Variants in ALPK3 observed in about 807,000 individuals in gnomAD.
The protein encoded by ALPK3 is alpha-protein kinase 3.
ALPK3 carries 102 observed loss-of-function variants against 140.0 expected under a neutral mutation model. That is an observed-to-expected ratio of 0.73 (90% CI 0.62 to 0.86). The LOEUF is 0.86. Among genes scored for constraint, ALPK3 ranks in the 40% least tolerant of loss-of-function variants. ALPK3 has a pLI of 0.00. For synonymous variants in ALPK3, 938 were observed against 898.5 expected (o/e 1.04, Z -0.79); for missense variants, 2,254 against 2,208.2 (o/e 1.02, Z -0.42).
chr15:84,828,972 T>C (rs1963517321), intron 3 of ALPK3, among the ~76,000 whole-genome samples: 1 of 152,208 alleles, frequency 6.6e-6, no homozygotes, highest in Non-Finnish European at 1.5e-5. Flanking sequence ...GCACATCTCA[T>C]TTTCTCTATT....
intron 7 of ALPK3, 67 bp from the exon 8 acceptor site, chr15:84,859,709 A>G (rs1360739999): frequency 6.6e-7 from 1 of 1,521,792 alleles, no homozygotes; most frequent in Non-Finnish European, 8.8e-7. Context: ...AGTGGGGTCC[A>G]AGGACGCTTA....
intron 3 of ALPK3, among the ~76,000 whole-genome samples, chr15:84,831,553 A>G (rs1157044040): frequency 6.6e-6 from 1 of 152,180 alleles, no homozygotes; most frequent in Non-Finnish European, 1.5e-5. Flanking sequence ...TCATGAATGT[A>G]GTATCTTTTC....
Position 84,864,622 on chromosome 15 carries a change from G to GT in ALPK3, c.4681dup (p.Tyr1561LeufsTer17). On this transcript the variant is annotated frameshift_variant, in exon 12 of 14. Coordinates refer to ENST00000258888, the MANE Select transcript of ALPK3 (RefSeq NM_020778.5). LOFTEE classifies it high-confidence loss of function. ...AATGCCAGACCTTCCAACACTGGCT[G>GT]TATCAGTGGACAAATGGCAGCTTCC... The GT allele has an allele frequency of 6.2e-7, 1 of 1,614,226 alleles. No individual in the cohort carries two copies. The highest frequency in any genetic ancestry group is 8.5e-7 in the Non-Finnish European group (1 of 1,180,034).
intron 1 of ALPK3, 22 bp downstream of exon 1, chr15:84,817,617 G>A (rs1963376036): frequency 6.8e-7 from 1 of 1,479,118 alleles, no homozygotes; most frequent in Non-Finnish European, 8.9e-7. Flanking sequence ...CAAGGGGCAG[G>A]GCGGCGTCGG....
chr15:84,847,206 GGGGAGA>G (rs1963740833), intron 5 of ALPK3, among the ~76,000 whole-genome samples: 1 of 68,030 alleles, frequency 1.5e-5, no homozygotes, highest in Non-Finnish European at 3.2e-5. Flanking sequence ...AGGGAGAAAC[GGGGAGA>G]GAGAGAGAGA....
chr15:84,858,798 T>C (rs1477188559), intron 6 of ALPK3, among the ~76,000 whole-genome samples: 1 of 152,182 alleles, frequency 6.6e-6, no homozygotes, highest in Non-Finnish European at 1.5e-5. Context: ...TTAAATGGGA[T>C]GGAATAGATG....
rs745571307 is a variant in ALPK3 at position 84,856,506 on chromosome 15, A to T, written c.1768A>T (p.Met590Leu). Reference sequence around the variant, plus strand: ...TCAAGGTATCATTGAACCCATGGATATGGAAACCCAGGAGGATGGGAGAAC... The same window carrying T: ...TCAAGGTATCATTGAACCCATGGATTTGGAAACCCAGGAGGATGGGAGAAC... ...GSQGIIEPMD[M>L]ETQEDGRTSA... is the part of the protein sequence containing the mutation. Residue 590 changes from methionine to leucine, a missense_variant, in exon 6 of 14, where the codon ATG becomes TTG. Met to Leu is a conservative substitution (Grantham distance 15, BLOSUM62 2). This residue lies in a region of ALPK3 where 2,088 missense variants were observed against 2,022.9 expected (regional missense o/e 1.03). Transcript: ENST00000258888. The T allele has an allele frequency of 1.4e-5, 22 of 1,614,080 alleles. No homozygotes were observed. Among genetic ancestry groups the T allele is most frequent in the Non-Finnish European group, 1.9e-5 (22 of 1,180,044 alleles).
chr15:84,831,090 C>T (rs1424055533), intron 3 of ALPK3, among the ~76,000 whole-genome samples: 1 of 152,160 alleles, frequency 6.6e-6, no homozygotes. Flanking sequence ...AATTTCCCTT[C>T]AGAATTTTAG....
intron 5 of ALPK3, among the ~76,000 whole-genome samples, chr15:84,844,169 G>A (rs1963701427): frequency 6.6e-6 from 1 of 152,120 alleles, no homozygotes; most frequent in Admixed American, 6.6e-5. Flanking sequence ...CGGAGGTTGT[G>A]GTGAGCTGAG....
intron 3 of ALPK3, among the ~76,000 whole-genome samples, chr15:84,829,941 G>C (rs1184457786): frequency 6.6e-6 from 1 of 152,114 alleles, no homozygotes; most frequent in Non-Finnish European, 1.5e-5. Flanking sequence ...ATTAATGATA[G>C]TTTTCTAAAA....
In ALPK3 at chr15:84,859,896, C is replaced by T; in HGVS notation, c.4086C>T (p.Ser1362=). The change falls in exon 8 of 14, where the codon AGC becomes AGT. Residue 1362 remains serine (S), a synonymous_variant. Transcript: ENST00000258888. ...CGGCCTCCACCGACTTCTGCCTCAG[C>T]CCTGAGGGTGAGTGTGCCCCGCGGC... ...HGSASTDFCL[S]PEVLSGFISR... is the part of the protein sequence containing the mutation. The T allele has an allele frequency of 6.2e-7, 1 of 1,614,024 alleles. No individual in the cohort carries two copies. Among genetic ancestry groups the T allele is most frequent in the Non-Finnish European group, 8.5e-7 (1 of 1,180,028 alleles).
At position 84,858,518 on chromosome 15, in the gene ALPK3, A is replaced by C. The variant is rs764100275; in HGVS notation, c.3780A>C (p.Thr1260=). 1.9e-6 allele frequency: 3 copies of C among 1,587,698 alleles called. No individual in the cohort carries two copies. In the African/African-American group the frequency reaches 4.0e-5, roughly 21 times the overall value. The change falls in exon 6 of 14, where the codon ACA becomes ACC. Residue 1260 remains threonine (T), a synonymous_variant. Transcript: ENST00000258888. ...EVALDEGKQE[T]LAKPRKAKDL... is the part of the protein sequence containing the mutation. Reference sequence around the variant, plus strand: ...CCCTGGATGAAGGCAAGCAGGAGACACTGGCCAAGCCCAGGAAAGCCAAAG... The same window carrying C: ...CCCTGGATGAAGGCAAGCAGGAGACCCTGGCCAAGCCCAGGAAAGCCAAAG...
chr15:84,852,544 T>A, intron 5 of ALPK3: 1 of 302,484 alleles, frequency 3.3e-6, no homozygotes, highest in South Asian at 3.2e-5. Context: ...TGCCATGGCA[T>A]CCTAGAGAGA....
chr15:84,823,214 A>T, intron 1 of ALPK3, 116 bp from the exon 2 acceptor site: 2 of 1,196,720 alleles, frequency 1.7e-6, no homozygotes, highest in East Asian at 2.3e-5. Context: ...GGTCCCTTTT[A>T]ATAGAAAGGC....
At chr15:84,867,497 T>C in intron 13 of ALPK3, 132 bp downstream of exon 13, 2 of 991,410 alleles carry the variant, frequency 2.0e-6, no homozygotes, top group South Asian at 1.4e-5. Flanking sequence ...CCCATGGCCA[T>C]GTGGTAACAT....
intron 5 of ALPK3, among the ~76,000 whole-genome samples, chr15:84,853,273 G>A (rs1963826359): frequency 6.6e-6 from 1 of 152,192 alleles, no homozygotes; most frequent in South Asian, 2.1e-4. Flanking sequence ...AGTTTTGTCT[G>A]TTAATATCCG....
rs114931667 is a variant in ALPK3 at position 84,860,169 on chromosome 15, A to G, written c.4129+97A>G. ...CTTGGAATCTGGTCCCAATCCACATACTGCTCCTCTTTGCCTCTTAGTTTA... is the reference window on the plus strand; with the variant it reads ...CTTGGAATCTGGTCCCAATCCACATGCTGCTCCTCTTTGCCTCTTAGTTTA... On this transcript the variant is annotated intron_variant, in intron 9 of 13. Transcript: ENST00000258888. The G allele has an allele frequency of 1.1e-3, 1,557 of 1,418,538 alleles. 12 individuals carry two copies. In the African/African-American group the frequency reaches 0.018, roughly 17 times the overall value. 87.9% of individuals were successfully genotyped at this position (1,418,538 alleles called of 1,614,324 possible).
chr15:84,839,935 A>G lies in ALPK3; in HGVS notation c.656A>G (p.Asp219Gly). ...GACACTCTGCGCAAGCTCAGCCCCG[A>G]CCGCTTCCAGCGAAAGCGGCGATTG... ...EVDTLRKLSP[D>G]RFQRKRRLSG... The change falls in exon 5 of 14, where the codon GAC (aspartate) becomes GGC (glycine). Residue 219 changes from aspartate (D) to glycine (G), a missense_variant. Physicochemically the swap from Asp to Gly is moderately conservative, Grantham distance 94. This residue lies in a region of ALPK3 where 2,088 missense variants were observed against 2,022.9 expected (regional missense o/e 1.03). Transcript: ENST00000258888. 1 of 1,613,616 alleles carries G rather than the reference A, an allele frequency of 6.2e-7. No homozygotes were observed. Among genetic ancestry groups the G allele is most frequent in the Non-Finnish European group, 8.5e-7 (1 of 1,179,824 alleles).
intron 2 of ALPK3, 127 bp from the exon 3 acceptor site, chr15:84,827,357 G>T (rs577483447): frequency 1.5e-6 from 2 of 1,361,088 alleles, no homozygotes; most frequent in Admixed American, 3.8e-5. Flanking sequence ...AAGACTTGCC[G>T]GGGTGCTGCA....
Sources: gnomAD v4.1 joint callset for allele counts (sites outside exome capture counted in the v4.1 genomes callset) on GRCh38, gnomAD v4.1.1 for gene constraint, gnomAD v4.1.1 regional missense constraint, MANE v1.5 for transcripts, NCBI Gene and HGNC (gene_info 2026-07-23, HGNC 2026-07-21) for gene names.